The following FZD6 variants were observed in gnomAD, a reference collection of about 807,000 sequenced individuals.
FZD6 encodes the protein frizzled-6.
Under a neutral mutation model 61.4 loss-of-function variants are expected in FZD6, and 49 were observed. That is an observed-to-expected ratio of 0.80 (90% CI 0.63 to 1.01). The LOEUF is 1.01. Ranked by LOEUF, FZD6 falls within the 50% of genes least tolerant of loss-of-function variation. The pLI is 0.00. For missense variants in FZD6, 724 were observed against 848.2 expected, an observed-to-expected ratio of 0.85 and a Z score of 1.82; for synonymous variants, 265 against 292.2, an observed-to-expected ratio of 0.91 and a Z score of 0.95.
chr8:103,309,368 A>G (rs919805793), intron 2 of FZD6, among the ~76,000 whole-genome samples: 17 of 152,304 alleles, frequency 1.1e-4, no homozygotes, highest in African/African-American at 3.8e-4. Context: ...GAGCTTTACT[A>G]TTTGCTACAG....
rs769001030 is a variant in FZD6, at chr8:103,329,994, ACT to A, written c.1886_1887del (p.Ser629TrpfsTer15). ...PASPAASISR[L>X]SGEQVDGKGQ... is the part of the protein sequence containing the mutation. ...CCTCGCCAGCAGCATCCATCTCCAG[ACT>A]CTCTGGGGAACAGGTCGACGGGAAG... On this transcript the variant is annotated frameshift_variant, in exon 6 of 7. Transcript: ENST00000358755. LOFTEE classifies it high-confidence loss of function. The A allele has an allele frequency of 4.5e-5, 73 of 1,613,800 alleles. No individual in the cohort carries two copies. The highest frequency in any genetic ancestry group is 5.7e-5 in the Non-Finnish European group (67 of 1,179,970).
intron 4 of FZD6, 40 bp from the exon 5 acceptor site, chr8:103,328,228 G>A (rs1012295181): frequency 4.0e-6 from 6 of 1,489,274 alleles, no homozygotes; most frequent in South Asian, 1.1e-5. Flanking sequence ...TCCACTTTAA[G>A]TGCATCACTG....
intron 3 of FZD6, among the ~76,000 whole-genome samples, chr8:103,322,694 GT>G (rs1320683610): frequency 6.6e-6 from 1 of 152,036 alleles, no homozygotes; most frequent in African/African-American, 2.4e-5. Flanking sequence ...TTAGCTTTTT[GT>G]TTTATTTTTA....
chr8:103,308,015 G>T, intron 2 of FZD6: 1 of 448,244 alleles, frequency 2.2e-6, no homozygotes, highest in Non-Finnish European at 4.5e-6. Flanking sequence ...CATATTGAGG[G>T]CTTAAGGTTG....
chr8:103,301,701 C>T (rs1281123150), intron 2 of FZD6, among the ~76,000 whole-genome samples: 1 of 152,148 alleles, frequency 6.6e-6, no homozygotes, highest in Admixed American at 6.5e-5. Context: ...GCTACTGCAC[C>T]TGGCTGACCA....
chr8:103,325,341 A>C lies in FZD6; in HGVS notation c.1235A>C (p.Lys412Thr). 1 of 1,614,152 alleles carries C rather than the reference A, an allele frequency of 6.2e-7. No homozygotes were observed. The highest frequency in any genetic ancestry group is 8.5e-7 in the Non-Finnish European group (1 of 1,180,018). The change falls in exon 4 of 7, where the codon AAA becomes ACA. Residue 412 changes from lysine to threonine, a missense_variant. Lys to Thr is a moderately conservative substitution (Grantham distance 78). Transcript: ENST00000358755. Reference protein sequence around the residue: ...HDGRNQEKLKKFMIRIGVFSG... With the variant: ...HDGRNQEKLKTFMIRIGVFSG... ...GGCCGGAACCAAGAAAAACTAAAGA[A>C]ATTTATGATTCGAATTGGAGTCTTC... is the stretch of plus-strand genomic sequence containing the variant.
chr8:103,329,186 G>T (rs1490250908), intron 5 of FZD6, among the ~76,000 whole-genome samples: 1 of 150,752 alleles, frequency 6.6e-6, no homozygotes, highest in African/African-American at 2.4e-5. Context: ...ATTATTATAT[G>T]TCTATCTCAT....
intron 2 of FZD6, among the ~76,000 whole-genome samples, chr8:103,309,284 T>A (rs1210775394): frequency 6.6e-6 from 1 of 152,196 alleles, no homozygotes; most frequent in African/African-American, 2.4e-5. Flanking sequence ...TATGCTGCTG[T>A]CCCTACTGGG....
At chr8:103,311,598 T>G (rs1315036188) in intron 2 of FZD6, among the ~76,000 whole-genome samples, 2 of 151,288 alleles carry the variant, frequency 1.3e-5, no homozygotes, top group Non-Finnish European at 2.9e-5. Flanking sequence ...GAGGCTCACT[T>G]GAGCCCAGGA....
At chr8:103,317,266 G>C (rs1814650251) in intron 2 of FZD6, among the ~76,000 whole-genome samples, 1 of 152,184 alleles carries the variant, frequency 6.6e-6, no homozygotes, top group Non-Finnish European at 1.5e-5. Context: ...GTAAATAAGA[G>C]ACAAAGTGGT....
Position 103,307,772 on chromosome 8 carries a change from G to T in FZD6, c.177+7488G>T, listed in dbSNP as rs1458114491. ...TTAGGGTACCCAGACTGGTTAAGCAGAAAAGGAATTGATTATAAGAGTAGC... is the reference window on the plus strand; with the variant it reads ...TTAGGGTACCCAGACTGGTTAAGCATAAAAGGAATTGATTATAAGAGTAGC... On this transcript the variant is annotated intron_variant, in intron 2 of 6. Transcript: ENST00000358755. 1.3e-5 allele frequency: 6 copies of T among 455,628 alleles called. 1 individual carries two copies. The highest frequency in any genetic ancestry group is 9.3e-5 in the South Asian group (6 of 64,548). The allele number at this position is 455,628 out of a possible 1,614,324, so 28.2% of individuals were successfully genotyped here. A position where few individuals can be genotyped will look rare whatever the true frequency, so the allele number is the denominator to read the frequency against.
intron 2 of FZD6, among the ~76,000 whole-genome samples, chr8:103,318,055 C>T (rs561454634): frequency 6.6e-6 from 1 of 152,204 alleles, no homozygotes; most frequent in South Asian, 2.1e-4. Context: ...TCATTCAAGT[C>T]TGTGGTTCAC....
Position 103,324,697 on chromosome 8 carries a change from T to A in FZD6, c.591T>A (p.Phe197Leu). 2 of 1,614,096 alleles carry A rather than the reference T, an allele frequency of 1.2e-6. No individual in the cohort carries two copies. Among genetic ancestry groups the A allele is most frequent in the Non-Finnish European group, 1.7e-6 (2 of 1,179,934 alleles). ...NMYFKSDELE[F>L]AKSFIGTVSI... ...ATTTTAAAAGTGATGAGCTAGAGTTTGCAAAAAGTTTTATTGGAACAGTTT... is the reference window on the plus strand; with the variant it reads ...ATTTTAAAAGTGATGAGCTAGAGTTAGCAAAAAGTTTTATTGGAACAGTTT... The change falls in exon 4 of 7, where the codon TTT (phenylalanine) becomes TTA (leucine). Residue 197 changes from phenylalanine (F) to leucine (L), a missense_variant. Transcript: ENST00000358755.
chr8:103,317,966 T>G (rs1363403310), intron 2 of FZD6, among the ~76,000 whole-genome samples: 5 of 151,872 alleles, frequency 3.3e-5, no homozygotes, highest in Non-Finnish European at 7.4e-5. Context: ...AGAGATACGG[T>G]GGGATTGAGT....
rs528962849 is a variant in FZD6 at position 103,306,785 on chromosome 8, G to A, written c.177+6501G>A. 5.9e-5 allele frequency among the ~76,000 whole-genome samples: 9 copies of A among 152,064 alleles called. No individual in the cohort carries two copies. In the South Asian group the frequency reaches 6.2e-4, roughly 11 times the overall value. ...CTCCCAAAGTGCTGGGATTACAGGC[G>A]TGAGCCACCGCGCCTGGCCCCAGGT... On this transcript the variant is annotated intron_variant, in intron 2 of 6. Coordinates refer to ENST00000358755, the MANE Select transcript of FZD6 (RefSeq NM_003506.4).
chr8:103,305,446 G>T lies in FZD6; in HGVS notation c.177+5162G>T, dbSNP rs187896640. Among the ~76,000 whole-genome samples the T allele has an allele frequency of 1.2e-4, 19 of 152,306 alleles. No homozygotes were observed. In the East Asian group the frequency reaches 3.5e-3, roughly 28 times the overall value. The stretch of plus-strand genomic sequence containing the variant: ...TTTAAGGAAAATATCTATTTCTGTT[G>T]TATAGTGGCTTTTAAGCATTTTTAT... On this transcript the variant is annotated intron_variant, in intron 2 of 6. Coordinates refer to ENST00000358755, the MANE Select transcript of FZD6 (RefSeq NM_003506.4).
chr8:103,304,954 A>C (rs142993026), intron 2 of FZD6, among the ~76,000 whole-genome samples: 15 of 152,300 alleles, frequency 9.8e-5, no homozygotes, highest in African/African-American at 3.6e-4. Flanking sequence ...GTTTTTTCCT[A>C]ATTTTATTAT....
In FZD6 at chr8:103,314,337, CA is replaced by C. The variant is rs898682154; in HGVS notation, c.178-4247del. 1.2e-4 allele frequency among the ~76,000 whole-genome samples: 18 copies of C among 152,064 alleles called. 2 individuals are homozygous for C. Among genetic ancestry groups the C allele is most frequent in the Admixed American group, 1.0e-3 (16 of 15,258 alleles). The stretch of plus-strand genomic sequence containing the variant: ...CCAAAGGATCTGATTACCACATAGT[CA>C]AAAAATTTAGGAACTAGGCTTTTTT... On this transcript the variant is annotated intron_variant, in intron 2 of 6. Coordinates refer to ENST00000358755, the MANE Select transcript of FZD6 (RefSeq NM_003506.4).
chr8:103,322,372 T>TAAAAAA (rs11423905), intron 3 of FZD6, among the ~76,000 whole-genome samples: 2 of 124,618 alleles, frequency 1.6e-5, no homozygotes, highest in African/African-American at 6.0e-5. Context: ...CAGTCTCCAT[T>TAAAAAA]AAAAAAAAAA....
Sources: gnomAD v4.1 joint callset for allele counts (sites outside exome capture counted in the v4.1 genomes callset) on GRCh38, gnomAD v4.1.1 for gene constraint, MANE v1.5 for transcripts, NCBI Gene and HGNC (gene_info 2026-07-23, HGNC 2026-07-21) for gene names.